The following TMEM231 variants were observed in gnomAD, a reference collection of about 807,000 sequenced individuals.
TMEM231 encodes transmembrane protein 231.
TMEM231 carries 40 observed loss-of-function variants against 38.5 expected under a neutral mutation model. That is an observed-to-expected ratio of 1.04 (90% confidence interval 0.81 to 1.35). The LOEUF is 1.35. TMEM231 is among the 40% of genes most tolerant of loss of function. TMEM231 has a pLI of 0.00. For synonymous variants in TMEM231, 199 were observed against 181.7 expected, an observed-to-expected ratio of 1.10 and a Z score of -0.77; for missense variants, 420 against 416.9, an observed-to-expected ratio of 1.01 and a Z score of -0.07.
chr16:75,545,316 G>A (rs775067064), intron 4 of TMEM231, 36 bp downstream of exon 4: 11 of 1,593,482 alleles, frequency 6.9e-6, no homozygotes, highest in African/African-American at 1.4e-5. Flanking sequence ...GTAACACAGA[G>A]AAACAAAGGA....
rs1358957700 is a variant in TMEM231, at chr16:75,537,297, A to T, written c.*2697T>A. On this transcript the variant is annotated 3_prime_UTR_variant, in exon 7 of 7. Transcript: ENST00000258173. ...GTCTACAATAAAAGTTGGAAGGAAA[A>T]AAAAAAAAGAAATAATTGCTTTATT... The T allele has an allele frequency of 6.6e-6, 1 of 151,880 alleles. No individual in the cohort carries two copies. The highest frequency in any genetic ancestry group is 1.5e-5 in the Non-Finnish European group (1 of 67,968). 9.4% of individuals were successfully genotyped at this position (151,880 alleles called of 1,614,324 possible).
At chr16:75,553,023 A>C (rs1166283533) in intron 2 of TMEM231, among the ~76,000 whole-genome samples, 1 of 152,166 alleles carries the variant, frequency 6.6e-6, no homozygotes. Flanking sequence ...TAGACTTCCA[A>C]AGCATTAAAC....
chr16:75,549,754 G>C (rs959614535), intron 2 of TMEM231, among the ~76,000 whole-genome samples: 1 of 152,156 alleles, frequency 6.6e-6, no homozygotes, highest in Non-Finnish European at 1.5e-5. Flanking sequence ...TGTTGCCCAG[G>C]CTGGAGTGCA....
chr16:75,546,949 G>C (rs1368109898), intron 2 of TMEM231, among the ~76,000 whole-genome samples: 2 of 152,158 alleles, frequency 1.3e-5, no homozygotes, highest in African/African-American at 4.8e-5. Flanking sequence ...TGAAAGGAAA[G>C]AAGACAGAGG....
chr16:75,543,305 G>C (rs537977975), intron 4 of TMEM231, among the ~76,000 whole-genome samples: 1 of 152,228 alleles, frequency 6.6e-6, no homozygotes, highest in East Asian at 1.9e-4. Context: ...GGAAGCTCAC[G>C]CCTCTAATCC....
rs2641801 is a variant in TMEM231, at chr16:75,537,351, C to T, written c.*2643G>A. On this transcript the variant is annotated 3_prime_UTR_variant, in exon 7 of 7. Transcript: ENST00000258173. ...CTTACATGATGGAATATTAGGGGGG[C>T]CTCATCTGACTTAAGCCGAAACTGT... The T allele has an allele frequency of 0.46, 68,980 of 151,390 alleles. 18,511 individuals are homozygous for T. The highest frequency in any genetic ancestry group is 0.95 in the East Asian group (4,898 of 5,162). The allele number at this position is 151,390 out of a possible 1,614,324, so 9.4% of individuals were successfully genotyped here.
At chr16:75,541,722 C>T (rs370019648) in intron 5 of TMEM231, 3 of 238,412 alleles carry the variant, frequency 1.3e-5, no homozygotes, top group South Asian at 2.6e-4. Flanking sequence ...TACTATACTG[C>T]CACTAAAAGT....
At chr16:75,549,124 A>G (rs570249578) in intron 2 of TMEM231, among the ~76,000 whole-genome samples, 33 of 152,288 alleles carry the variant, frequency 2.2e-4, no homozygotes, top group Non-Finnish European at 4.6e-4. Flanking sequence ...TCTCCCACAA[A>G]TGACCTGTCA....
chr16:75,544,920 A>T (rs2080665420), intron 4 of TMEM231, among the ~76,000 whole-genome samples: 1 of 149,052 alleles, frequency 6.7e-6, no homozygotes, highest in African/African-American at 2.5e-5. Flanking sequence ...CCCACAAAGA[A>T]ATGATATTTC....
intron 3 of TMEM231, 77 bp from the exon 4 acceptor site, chr16:75,545,572 T>A: frequency 2.7e-6 from 3 of 1,098,692 alleles, no homozygotes; most frequent in Non-Finnish European, 3.8e-6. Context: ...GTCACCTGTC[T>A]TGGCTGAAAC....
chr16:75,556,284 C>T (rs2080811327), upstream of TMEM231: 4 of 1,382,406 alleles, frequency 2.9e-6, no homozygotes, highest in South Asian at 6.6e-5. Context: ...CCTCGGTCTC[C>T]ACGGCAACCG....
At chr16:75,544,354 C>G (rs1053347625) in intron 4 of TMEM231, among the ~76,000 whole-genome samples, 1 of 152,158 alleles carries the variant, frequency 6.6e-6, no homozygotes, top group Admixed American at 6.6e-5. Context: ...GATATCTGAA[C>G]AGGGACCTGA....
intron 6 of TMEM231, among the ~76,000 whole-genome samples, chr16:75,540,551 G>T (rs528936288): frequency 6.6e-6 from 1 of 152,254 alleles, no homozygotes; most frequent in South Asian, 2.1e-4. Flanking sequence ...CTGCTTCCTA[G>T]GTTTGTGTCT....
intron 2 of TMEM231, among the ~76,000 whole-genome samples, chr16:75,553,942 A>G (rs1164737660): frequency 6.6e-6 from 1 of 152,144 alleles, no homozygotes; most frequent in Non-Finnish European, 1.5e-5. Context: ...GAGTTCCCAC[A>G]AGGAAAGATG....
intron 6 of TMEM231, 26 bp from the exon 7 acceptor site, chr16:75,540,200 C>A: frequency 1.9e-6 from 3 of 1,590,846 alleles, no homozygotes; most frequent in Non-Finnish European, 2.6e-6. Context: ...GAGTGAAGGG[C>A]CACATGGTGT....
chr16:75,539,328 A>C lies in TMEM231; in HGVS notation c.*666T>G, dbSNP rs364062. On this transcript the variant is annotated 3_prime_UTR_variant, in exon 7 of 7. Transcript: ENST00000258173. ...ATAGGGCAAAGAGCCCAGTCACAGT[A>C]CGGCAAAGATCCAGGGCTGCTCAGC... 4.6e-5 allele frequency: 7 copies of C among 152,544 alleles called. No homozygotes were observed. The highest frequency in any genetic ancestry group is 1.4e-4 in the African/African-American group (6 of 41,490). 9.4% of individuals were successfully genotyped at this position (152,544 alleles called of 1,614,324 possible).
chr16:75,540,241 T>C (rs1008885683), intron 6 of TMEM231, 67 bp from the exon 7 acceptor site: 1 of 1,486,720 alleles, frequency 6.7e-7, no homozygotes. Context: ...AAGATGGAAT[T>C]GGCTGTGGCA....
rs1036779139 is a variant in TMEM231 at position 75,536,860 on chromosome 16, T to C, written c.*3134A>G. On this transcript the variant is annotated 3_prime_UTR_variant, in exon 7 of 7. Coordinates refer to ENST00000258173, the MANE Select transcript of TMEM231 (RefSeq NM_001077418.3). ...ACCATAATAACTTCTGTGATCAAACTGCTGTGATCCCAGCACTTTGGGTGG... is the reference window on the plus strand; with the variant it reads ...ACCATAATAACTTCTGTGATCAAACCGCTGTGATCCCAGCACTTTGGGTGG... The C allele has an allele frequency of 3.3e-5, 5 of 152,062 alleles. No homozygotes were observed. Among genetic ancestry groups the C allele is most frequent in the African/African-American group, 1.2e-4 (5 of 41,406 alleles). The allele number at this position is 152,062 out of a possible 1,614,324, so 9.4% of individuals were successfully genotyped here. A position where few individuals can be genotyped will look rare whatever the true frequency, so the allele number is the denominator to read the frequency against.
At chr16:75,541,314 C>A (rs1482911501) in intron 6 of TMEM231, 36 bp downstream of exon 6, 1 of 1,506,794 alleles carries the variant, frequency 6.6e-7, no homozygotes, top group South Asian at 1.2e-5. Context: ...GCCACCACAT[C>A]CAGCCTTAAC....
Sources: allele counts gnomAD v4.1 joint callset (sites outside exome capture counted in the v4.1 genomes callset), GRCh38; gene constraint gnomAD v4.1.1; transcripts MANE v1.5; gene names NCBI Gene and HGNC (gene_info 2026-07-23, HGNC 2026-07-21).